RASSF3: variants seen among roughly 807,000 people sequenced by gnomAD.
The protein encoded by RASSF3 is ras association domain-containing protein 3.
In RASSF3, 19 loss-of-function variants were observed where a neutral mutation model predicts 19.9. The observed-to-expected ratio is 0.96, with a 90% CI of 0.67 to 1.40. The LOEUF (loss-of-function observed/expected upper bound fraction) is 1.40. RASSF3 is among the 40% of genes most tolerant of loss of function. The pLI, the probability that RASSF3 is intolerant of heterozygous loss-of-function variation, is 0.00. For missense variants in RASSF3, 306 were observed against 289.8 expected, an observed-to-expected ratio of 1.06 and a Z score of -0.41; for synonymous variants, 110 against 104.2, an observed-to-expected ratio of 1.06 and a Z score of -0.34.
At chr12:64,616,772 T>G (rs966123591) in intron 1 of RASSF3, among the ~76,000 whole-genome samples, 4 of 152,220 alleles carry the variant, frequency 2.6e-5, no homozygotes, top group African/African-American at 4.8e-5. Context: ...TTACCTCTAT[T>G]ACAAGGCCCC....
intron 1 of RASSF3, among the ~76,000 whole-genome samples, chr12:64,636,749 C>T (rs1437216663): frequency 6.6e-6 from 1 of 151,762 alleles, no homozygotes; most frequent in Non-Finnish European, 1.5e-5. Flanking sequence ...GCCTGTAATC[C>T]CAGCCACTTG....
intron 2 of RASSF3, among the ~76,000 whole-genome samples, chr12:64,686,608 C>T (rs887881662): frequency 2.6e-5 from 4 of 151,828 alleles, no homozygotes; most frequent in African/African-American, 9.7e-5. Context: ...AAGACTCCAT[C>T]TCAAAAAAAA....
chr12:64,543,687 C>G (rs1029114060), downstream of RASSF3, among the ~76,000 whole-genome samples: 1 of 151,230 alleles, frequency 6.6e-6, no homozygotes, highest in Non-Finnish European at 1.5e-5. Context: ...CCCTAGTGCG[C>G]GATCCACTGG....
intron 4 of RASSF3, among the ~76,000 whole-genome samples, chr12:64,692,212 A>T (rs1055919982): frequency 1.5e-4 from 23 of 152,212 alleles, no homozygotes; most frequent in African/African-American, 5.5e-4. Context: ...CACTTGAGCA[A>T]ATCCCAAGCT....
intron 1 of RASSF3, among the ~76,000 whole-genome samples, chr12:64,656,445 T>G (rs1354726449): frequency 6.6e-6 from 1 of 152,214 alleles, no homozygotes; most frequent in African/African-American, 2.4e-5. Flanking sequence ...GTGAGTTATA[T>G]CTCAGTGATG....
At chr12:64,526,398 C>T (rs929318778) in intron 1 of RASSF3, among the ~76,000 whole-genome samples, 1 of 152,038 alleles carries the variant, frequency 6.6e-6, no homozygotes, top group Non-Finnish European at 1.5e-5. Flanking sequence ...TACAATAGAG[C>T]TCTCAAACTT....
intron 1 of RASSF3, among the ~76,000 whole-genome samples, chr12:64,660,891 T>C (rs918711882): frequency 1.3e-5 from 2 of 152,152 alleles, no homozygotes; most frequent in African/African-American, 2.4e-5. Context: ...TGGCCCTCTC[T>C]CCCCATCAAC....
At chr12:64,592,168 T>C (rs1000344098) in intron 2 of RASSF3, among the ~76,000 whole-genome samples, 2 of 152,206 alleles carry the variant, frequency 1.3e-5, no homozygotes, top group Non-Finnish European at 2.9e-5. Flanking sequence ...CCCAAAGTGC[T>C]GGGATTACAG....
intron 1 of RASSF3, among the ~76,000 whole-genome samples, chr12:64,537,651 G>T (rs552353330): frequency 2.7e-4 from 41 of 152,244 alleles, no homozygotes; most frequent in African/African-American, 9.9e-4. Flanking sequence ...AAACTGCCCA[G>T]AACTCAATCT....
chr12:64,685,985 C>T (rs1292617633), intron 2 of RASSF3, among the ~76,000 whole-genome samples: 1 of 152,172 alleles, frequency 6.6e-6, no homozygotes, highest in Non-Finnish European at 1.5e-5. Flanking sequence ...TGGTTTAAAA[C>T]AGGCCCTACC....
intron 1 of RASSF3, among the ~76,000 whole-genome samples, chr12:64,510,521 A>G (rs764069097): frequency 6.6e-6 from 1 of 152,198 alleles, no homozygotes; most frequent in Non-Finnish European, 1.5e-5. Flanking sequence ...ACTTGAAAAC[A>G]TAAATGGCCT....
At chr12:64,541,467 C>T in intron 1 of RASSF3, 1 of 396,246 alleles carries the variant, frequency 2.5e-6, no homozygotes, top group Admixed American at 4.4e-5. Flanking sequence ...TTTATTATTC[C>T]AGGTTGAATG....
At chr12:64,683,396 T>C (rs141858358) in intron 1 of RASSF3, among the ~76,000 whole-genome samples, 71 of 152,332 alleles carry the variant, frequency 4.7e-4, no homozygotes, top group Non-Finnish European at 1.9e-4. Flanking sequence ...TGGGACTCTT[T>C]AGACAGCTAA....
chr12:64,579,888 C>A (rs945484383), intron 2 of RASSF3, among the ~76,000 whole-genome samples: 1 of 149,734 alleles, frequency 6.7e-6, no homozygotes, highest in African/African-American at 2.5e-5. Context: ...AATCTTGGCT[C>A]ACTGCAACCT....
At chr12:64,629,400 G>A (rs1006586799) in intron 1 of RASSF3, among the ~76,000 whole-genome samples, 9 of 151,912 alleles carry the variant, frequency 5.9e-5, no homozygotes, top group South Asian at 4.2e-4. Context: ...GAGCCACTGC[G>A]CCCGTCCCAC....
chr12:64,647,343 G>A (rs1871770874), intron 1 of RASSF3, among the ~76,000 whole-genome samples: 1 of 151,716 alleles, frequency 6.6e-6, no homozygotes, highest in Non-Finnish European at 1.5e-5. Context: ...CAGCCTCCCA[G>A]GCTCAAGTGA....
Position 64,619,756 on chromosome 12 carries a change from C to T in RASSF3, c.111+9013C>T, listed in dbSNP as rs1047797453. On this transcript the variant is annotated intron_variant, in intron 1 of 4. Coordinates refer to ENST00000542104, the MANE Select transcript of RASSF3 (RefSeq NM_178169.4). Reference sequence around the variant, plus strand: ...CAGCACATTGGGAGGCCAAGGCGGGCGGATCACGAGGTCGGGAGTTCAAGA... The same window carrying T: ...CAGCACATTGGGAGGCCAAGGCGGGTGGATCACGAGGTCGGGAGTTCAAGA... Among the ~76,000 whole-genome samples the T allele has an allele frequency of 7.2e-4, 110 of 151,890 alleles. 1 individual carries two copies. Among genetic ancestry groups the T allele is most frequent in the Non-Finnish European group, 1.6e-4 (11 of 67,956 alleles).
intron 4 of RASSF3, among the ~76,000 whole-genome samples, chr12:64,692,613 T>C (rs1048960010): frequency 6.6e-6 from 1 of 152,172 alleles, no homozygotes; most frequent in Non-Finnish European, 1.5e-5. Flanking sequence ...ATGGTGACCA[T>C]TCCCTCTGCC....
chr12:64,513,788 T>A (rs191921354), intron 1 of RASSF3, among the ~76,000 whole-genome samples: 19 of 152,260 alleles, frequency 1.2e-4, no homozygotes, highest in Admixed American at 6.5e-4. Context: ...TGGAGAGACC[T>A]CACACCAGAG....
Sources: gnomAD v4.1 joint callset for allele counts (sites outside exome capture counted in the v4.1 genomes callset) on GRCh38, gnomAD v4.1.1 for gene constraint, MANE v1.5 for transcripts, NCBI Gene and HGNC (gene_info 2026-07-23, HGNC 2026-07-21) for gene names.